Variants in CHCHD6 observed in about 807,000 individuals in gnomAD.
The protein encoded by CHCHD6 is coiled-coil-helix-coiled-coil-helix domain containing 6.
A neutral mutation model predicts 32.3 loss-of-function variants in CHCHD6; 28 were observed. The observed-to-expected ratio is 0.87, with a 90% CI of 0.64 to 1.19. The LOEUF (loss-of-function observed/expected upper bound fraction) is 1.19. CHCHD6 is among the 50% of genes most tolerant of loss of function. The pLI is 0.00. For synonymous variants in CHCHD6, 122 were observed against 117.5 expected (o/e 1.04, Z -0.25); for missense variants, 333 against 307.0 (o/e 1.08, Z -0.63).
At chr3:126,803,793 A>T (rs1352782537) in intron 4 of CHCHD6, among the ~76,000 whole-genome samples, 3 of 152,220 alleles carry the variant, frequency 2.0e-5, no homozygotes, top group Admixed American at 2.0e-4. Context: ...CCTATTCCAA[A>T]ATTGACCACA....
At chr3:126,816,712 A>G (rs936760927) in intron 4 of CHCHD6, among the ~76,000 whole-genome samples, 2 of 151,910 alleles carry the variant, frequency 1.3e-5, no homozygotes, top group East Asian at 3.9e-4. Context: ...TTATTTTTTT[A>G]TATATTTTTT....
At chr3:126,739,781 C>T (rs570275043) in intron 4 of CHCHD6, among the ~76,000 whole-genome samples, 3 of 152,182 alleles carry the variant, frequency 2.0e-5, no homozygotes, top group Non-Finnish European at 2.9e-5. Context: ...CATATGTTGC[C>T]CACCTGCAGA....
chr3:126,851,204 G>T (rs1451211164), intron 4 of CHCHD6, among the ~76,000 whole-genome samples: 1 of 152,222 alleles, frequency 6.6e-6, no homozygotes, highest in Non-Finnish European at 1.5e-5. Context: ...GCACTCAGGG[G>T]CACTAGTGAG....
At chr3:126,890,277 G>A (rs1308916563) in intron 5 of CHCHD6, among the ~76,000 whole-genome samples, 6 of 152,232 alleles carry the variant, frequency 3.9e-5, no homozygotes, top group Non-Finnish European at 5.9e-5. Flanking sequence ...GGGCATGCAC[G>A]TGTCCTTCAT....
chr3:126,743,639 C>T (rs1323908784), intron 4 of CHCHD6, among the ~76,000 whole-genome samples: 2 of 152,116 alleles, frequency 1.3e-5, no homozygotes, highest in Non-Finnish European at 2.9e-5. Flanking sequence ...TCCAGGCTGC[C>T]GACCTCAGCT....
intron 5 of CHCHD6, among the ~76,000 whole-genome samples, chr3:126,859,032 CTG>C (rs1321301492): frequency 5.2e-5 from 8 of 152,384 alleles, no homozygotes; most frequent in African/African-American, 1.9e-4. Flanking sequence ...TGCTCTGCAT[CTG>C]TGAGCACAGT....
intron 6 of CHCHD6, among the ~76,000 whole-genome samples, chr3:126,938,102 G>A (rs575212616): frequency 2.2e-4 from 34 of 152,178 alleles, no homozygotes; most frequent in East Asian, 3.8e-4. Context: ...CCAGGTCACC[G>A]TACTCATTCT....
intron 5 of CHCHD6, among the ~76,000 whole-genome samples, chr3:126,888,461 C>A (rs981485350): frequency 1.3e-5 from 2 of 152,194 alleles, no homozygotes; most frequent in Non-Finnish European, 2.9e-5. Flanking sequence ...TTTAGCCACT[C>A]CTCATGCGAC....
chr3:126,855,685 C>G (rs1941642877), intron 5 of CHCHD6, among the ~76,000 whole-genome samples: 1 of 152,090 alleles, frequency 6.6e-6, no homozygotes, highest in Non-Finnish European at 1.5e-5. Context: ...GCCATGCAAT[C>G]CCCAGGTATG....
intron 5 of CHCHD6, among the ~76,000 whole-genome samples, chr3:126,889,007 C>T (rs1253818228): frequency 2.0e-5 from 3 of 152,174 alleles, no homozygotes; most frequent in Admixed American, 2.0e-4. Context: ...CAGGCTTGGT[C>T]CCTCGTGTGG....
At chr3:126,727,612 G>A (rs753303307) in intron 2 of CHCHD6, among the ~76,000 whole-genome samples, 2 of 152,156 alleles carry the variant, frequency 1.3e-5, no homozygotes, top group Non-Finnish European at 2.9e-5. Flanking sequence ...GGCGCCTACC[G>A]CAGCAGCCCT....
intron 4 of CHCHD6, among the ~76,000 whole-genome samples, chr3:126,851,268 CAGT>C (rs1164844081): frequency 1.3e-5 from 2 of 152,178 alleles, no homozygotes; most frequent in African/African-American, 4.8e-5. Flanking sequence ...GGTTCCCTGT[CAGT>C]AGGAGTAGCA....
At chr3:126,720,042 G>A (rs1576335035) in intron 1 of CHCHD6, among the ~76,000 whole-genome samples, 1 of 152,012 alleles carries the variant, frequency 6.6e-6, no homozygotes, top group African/African-American at 2.4e-5. Flanking sequence ...CACCACGCCA[G>A]GCTAATTTTT....
At chr3:126,932,126 T>A (rs2078415080) in intron 6 of CHCHD6, among the ~76,000 whole-genome samples, 1 of 152,138 alleles carries the variant, frequency 6.6e-6, no homozygotes, top group Non-Finnish European at 1.5e-5. Context: ...CCTCTTGTTG[T>A]CTTCTTTTAG....
intron 5 of CHCHD6, among the ~76,000 whole-genome samples, chr3:126,881,993 T>A (rs2077617027): frequency 6.6e-6 from 1 of 152,164 alleles, no homozygotes; most frequent in South Asian, 2.1e-4. Context: ...ACGTCCTGGA[T>A]TCCAAAGGAC....
At chr3:126,898,941 T>C (rs1374750695) in intron 5 of CHCHD6, among the ~76,000 whole-genome samples, 1 of 152,236 alleles carries the variant, frequency 6.6e-6, no homozygotes, top group African/African-American at 2.4e-5. Context: ...ATTGATAAGA[T>C]GGGAAGTAGT....
chr3:126,806,476 T>C (rs1337448832), intron 4 of CHCHD6, among the ~76,000 whole-genome samples: 1 of 152,044 alleles, frequency 6.6e-6, no homozygotes, highest in Non-Finnish European at 1.5e-5. Context: ...ATCAGAGAAA[T>C]GCAAATCAAA....
At chr3:126,893,053 C>A (rs1426935251) in intron 5 of CHCHD6, among the ~76,000 whole-genome samples, 2 of 152,120 alleles carry the variant, frequency 1.3e-5, no homozygotes, top group African/African-American at 4.8e-5. Flanking sequence ...ACTGCAACGT[C>A]CACCACCTGG....
rs779912683 is a variant in CHCHD6, at chr3:126,759,057, G to A, written c.411+25835G>A. On this transcript the variant is annotated intron_variant, in intron 4 of 7. Coordinates refer to ENST00000290913, the MANE Select transcript of CHCHD6 (RefSeq NM_032343.3). Reference sequence around the variant, plus strand: ...AGCGTGGTCAGGTCTGCCTGTTCTCGCCAGTCCAGCCCTGCGGCCTCCTGC... The same window carrying A: ...AGCGTGGTCAGGTCTGCCTGTTCTCACCAGTCCAGCCCTGCGGCCTCCTGC... 1.1e-4 allele frequency among the ~76,000 whole-genome samples: 16 copies of A among 152,056 alleles called. No individual in the cohort carries two copies. The South Asian group carries it at 1.5e-3, about 14-fold the overall frequency.
Sources: allele counts gnomAD v4.1 joint callset (sites outside exome capture counted in the v4.1 genomes callset), GRCh38; gene constraint gnomAD v4.1.1; transcripts MANE v1.5; gene names NCBI Gene and HGNC (gene_info 2026-07-23, HGNC 2026-07-21).